The following LRRTM4 variants were observed in gnomAD, a reference collection of about 807,000 sequenced individuals.
LRRTM4 encodes the protein leucine-rich repeat transmembrane neuronal protein 4.
LRRTM4 carries 25 observed loss-of-function variants against 47.6 expected under a neutral mutation model. That is an observed-to-expected ratio of 0.53 (90% CI 0.38 to 0.73). The LOEUF is 0.73. Among genes scored for constraint, LRRTM4 ranks in the 30% least tolerant of loss-of-function variants. The pLI, the probability that LRRTM4 is intolerant of heterozygous loss-of-function variation, is 0.00. For missense variants in LRRTM4, 638 were observed against 713.4 expected (o/e 0.89, Z 1.20); for synonymous variants, 311 against 269.5 (o/e 1.15, Z -1.51).
At chr2:76,760,725 G>A (rs1467845153) in intron 3 of LRRTM4, among the ~76,000 whole-genome samples, 1 of 151,750 alleles carries the variant, frequency 6.6e-6, no homozygotes, top group East Asian at 1.9e-4. Context: ...CTGACTTAGC[G>A]TTTTGCAAAA....
intron 3 of LRRTM4, among the ~76,000 whole-genome samples, chr2:77,058,822 A>G (rs1416200832): frequency 6.6e-6 from 1 of 152,144 alleles, no homozygotes; most frequent in Non-Finnish European, 1.5e-5. Flanking sequence ...TGTTTTAAAT[A>G]TATTACTTAT....
chr2:77,302,567 C>G (rs1165712563), intron 3 of LRRTM4, among the ~76,000 whole-genome samples: 1 of 152,184 alleles, frequency 6.6e-6, no homozygotes, highest in Non-Finnish European at 1.5e-5. Flanking sequence ...GTAAACCACA[C>G]AGCCTCTTTG....
Position 77,179,528 on chromosome 2 carries a change from C to T in LRRTM4, c.1551+338790G>A, listed in dbSNP as rs535559764. On this transcript the variant is annotated intron_variant, in intron 3 of 3. Coordinates refer to ENST00000409884, the MANE Select transcript of LRRTM4 (RefSeq NM_001134745.3). ...TTACATTGAGTAAGTAATTACTTGT[C>T]GTTCGTCAGTATTTCAAGAAGACTG... Among the ~76,000 whole-genome samples, 9 of 152,028 alleles carry T rather than the reference C, an allele frequency of 5.9e-5. No individual in the cohort carries two copies. In the South Asian group the frequency reaches 1.2e-3, roughly 21 times the overall value.
chr2:77,140,459 T>G (rs1672089065), intron 3 of LRRTM4, among the ~76,000 whole-genome samples: 1 of 152,152 alleles, frequency 6.6e-6, no homozygotes, highest in Non-Finnish European at 1.5e-5. Flanking sequence ...CCTTACACCT[T>G]ATACAAAAAT....
At chr2:77,311,506 C>T (rs908574501) in intron 3 of LRRTM4, among the ~76,000 whole-genome samples, 7 of 152,192 alleles carry the variant, frequency 4.6e-5, no homozygotes, top group African/African-American at 1.4e-4. Context: ...CTTTGCACAT[C>T]ATTAAAGTGT....
intron 3 of LRRTM4, among the ~76,000 whole-genome samples, chr2:77,469,919 A>G (rs1295762806): frequency 6.6e-6 from 1 of 152,178 alleles, no homozygotes; most frequent in Non-Finnish European, 1.5e-5. Context: ...TATTAGTTTA[A>G]TATGGTAGTT....
intron 3 of LRRTM4, among the ~76,000 whole-genome samples, chr2:77,047,648 G>A (rs1679279302): frequency 6.6e-6 from 1 of 151,964 alleles, no homozygotes; most frequent in Non-Finnish European, 1.5e-5. Flanking sequence ...AGTCATATTG[G>A]ATTAATGGTC....
chr2:77,049,808 G>A lies in LRRTM4; in HGVS notation c.1552-300892C>T, dbSNP rs77505119. Among the ~76,000 whole-genome samples, 411 of 151,826 alleles carry A rather than the reference G, an allele frequency of 2.7e-3. 1 individual carries two copies. Among genetic ancestry groups the A allele is most frequent in the African/African-American group, 9.6e-3 (396 of 41,418 alleles). ...TGTTTAGTTTGATATAATCCCACTC[G>A]TCTATTTTTATTTTTGTTGCCTGTG... is the stretch of plus-strand genomic sequence containing the variant. On this transcript the variant is annotated intron_variant, in intron 3 of 3. Coordinates refer to ENST00000409884, the MANE Select transcript of LRRTM4 (RefSeq NM_001134745.3).
intron 3 of LRRTM4, among the ~76,000 whole-genome samples, chr2:76,795,155 A>G (rs1454654903): frequency 1.3e-5 from 2 of 152,210 alleles, no homozygotes; most frequent in Non-Finnish European, 1.5e-5. Context: ...AAATATATGA[A>G]TAGGCAATGA....
chr2:77,396,983 C>A (rs1673729515), intron 3 of LRRTM4, among the ~76,000 whole-genome samples: 1 of 151,862 alleles, frequency 6.6e-6, no homozygotes, highest in Non-Finnish European at 1.5e-5. Context: ...TGCAGCAAGA[C>A]ACGATTAACA....
intron 3 of LRRTM4, among the ~76,000 whole-genome samples, chr2:77,277,012 C>T (rs1271250614): frequency 6.6e-6 from 1 of 151,680 alleles, no homozygotes; most frequent in African/African-American, 2.4e-5. Context: ...TATCAGTATT[C>T]TGTGCTCGCC....
chr2:77,088,148 A>T (rs1257564396), intron 3 of LRRTM4, among the ~76,000 whole-genome samples: 1 of 152,224 alleles, frequency 6.6e-6, no homozygotes, highest in Non-Finnish European at 1.5e-5. Context: ...TATTTTGATT[A>T]CTAAATTTCT....
chr2:77,336,184 A>AAAGGAAAGAAGG lies in LRRTM4; in HGVS notation c.1551+182122_1551+182133dup, dbSNP rs142778024. Among the ~76,000 whole-genome samples, 188 of 147,260 alleles carry AAAGGAAAGAAGG rather than the reference A, an allele frequency of 1.3e-3. 1 individual carries two copies. Among genetic ancestry groups the AAAGGAAAGAAGG allele is most frequent in the African/African-American group, 4.5e-3 (179 of 39,440 alleles). On this transcript the variant is annotated intron_variant, in intron 3 of 3. Coordinates refer to ENST00000409884, the MANE Select transcript of LRRTM4 (RefSeq NM_001134745.3). ...GAAAGAAAGGAAGGAAGGAAGGAAG[A>AAAGGAAAGAAGG]AAGGAAAGAAGGAAGGAAAGAAGGA...
At position 76,890,464 on chromosome 2, in the gene LRRTM4, T is replaced by G. The variant is rs138268082; in HGVS notation, c.1552-141548A>C. The stretch of plus-strand genomic sequence containing the variant: ...AAAGGCCAAAAGAGGATGTAGGATC[T>G]GGTCAATGTTGATTACATTTTCTAA... On this transcript the variant is annotated intron_variant, in intron 3 of 3. Transcript: ENST00000409884. Among the ~76,000 whole-genome samples, 472 of 152,102 alleles carry G rather than the reference T, an allele frequency of 3.1e-3. 4 individuals carry two copies. The highest frequency in any genetic ancestry group is 0.01 in the African/African-American group (420 of 41,546).
chr2:77,456,990 GTA>G (rs1428835398), intron 3 of LRRTM4, among the ~76,000 whole-genome samples: 18 of 63,330 alleles, frequency 2.8e-4, no homozygotes, highest in Admixed American at 5.4e-4. Flanking sequence ...ATATATTAGT[GTA>G]TGTGTGTGTG....
At chr2:77,141,284 A>C (rs931313796) in intron 3 of LRRTM4, among the ~76,000 whole-genome samples, 8 of 152,192 alleles carry the variant, frequency 5.3e-5, no homozygotes, top group Admixed American at 1.3e-4. Context: ...ATGGAATACT[A>C]TGCAGCCATA....
intron 3 of LRRTM4, among the ~76,000 whole-genome samples, chr2:77,171,247 GT>G (rs1405780524): frequency 3.3e-5 from 5 of 151,582 alleles, no homozygotes; most frequent in Non-Finnish European, 5.9e-5. Context: ...TTTGCTTTAT[GT>G]TTTTTTTCTG....
chr2:77,496,380 A>T (rs1352176275), intron 3 of LRRTM4, among the ~76,000 whole-genome samples: 1 of 151,860 alleles, frequency 6.6e-6, no homozygotes, highest in Admixed American at 6.6e-5. Context: ...GGGTGGTGAG[A>T]ATAGATACTT....
At chr2:77,020,132 G>T (rs1678214927) in intron 3 of LRRTM4, among the ~76,000 whole-genome samples, 2 of 151,984 alleles carry the variant, frequency 1.3e-5, no homozygotes, top group African/African-American at 4.8e-5. Context: ...GGTACAGGAA[G>T]AGAAAGATGA....
Sources: allele counts gnomAD v4.1 joint callset (sites outside exome capture counted in the v4.1 genomes callset), GRCh38; gene constraint gnomAD v4.1.1; transcripts MANE v1.5; gene names NCBI Gene and HGNC (gene_info 2026-07-23, HGNC 2026-07-21).